HOOK3: variants seen among roughly 807,000 people sequenced by gnomAD.
HOOK3 encodes the protein protein Hook homolog 3.
In HOOK3, 24 loss-of-function variants were observed where a neutral mutation model predicts 116.3. That is an observed-to-expected ratio of 0.21 (90% CI 0.15 to 0.29). The LOEUF (loss-of-function observed/expected upper bound fraction) is 0.29, where lower values mean the gene tolerates loss of function less well. HOOK3 is among the 10% of genes least tolerant of loss of function. The pLI, the probability that HOOK3 is intolerant of heterozygous loss-of-function variation, is 1.00. For missense variants in HOOK3, 632 were observed against 830.2 expected (o/e 0.76, Z 2.93); for synonymous variants, 275 against 283.0 (o/e 0.97, Z 0.28).
chr8:42,954,911 T>C (rs766715374), intron 6 of HOOK3, among the ~76,000 whole-genome samples: 15 of 152,174 alleles, frequency 9.9e-5, no homozygotes, highest in Admixed American at 5.9e-4. Context: ...GAAATTCTTA[T>C]CTGAAGGCAA....
chr8:42,939,291 C>T (rs561911672), intron 4 of HOOK3, among the ~76,000 whole-genome samples: 56 of 152,112 alleles, frequency 3.7e-4, no homozygotes, highest in Non-Finnish European at 6.2e-4. Context: ...CCAGTAGGGG[C>T]GGCCGGGCAG....
chr8:42,982,986 G>T (rs920141240), intron 14 of HOOK3, among the ~76,000 whole-genome samples: 1 of 152,168 alleles, frequency 6.6e-6, no homozygotes, highest in East Asian at 1.9e-4. Context: ...CATTTGGCCT[G>T]TAGACAATAG....
chr8:42,931,588 T>G (rs1482425754), intron 4 of HOOK3, among the ~76,000 whole-genome samples: 1 of 139,958 alleles, frequency 7.1e-6, no homozygotes, highest in Non-Finnish European at 1.6e-5. Context: ...CCTGCCACCA[T>G]GCCCGGCTAA....
At chr8:42,970,585 G>C (rs560468825) in intron 11 of HOOK3, among the ~76,000 whole-genome samples, 3 of 151,886 alleles carry the variant, frequency 2.0e-5, no homozygotes, top group Non-Finnish European at 4.4e-5. Context: ...GTTACTGTTG[G>C]GTACTTTTGT....
chr8:42,970,780 G>GTTTTTTTTTTTTTT (rs1299118892), intron 11 of HOOK3, among the ~76,000 whole-genome samples: 17 of 127,888 alleles, frequency 1.3e-4, no homozygotes, highest in African/African-American at 5.9e-4. Flanking sequence ...AGGAATTTGG[G>GTTTTTTTTTTTTTT]TCTTTTTTTT....
At chr8:42,903,849 G>C (rs1040892111) in intron 1 of HOOK3, among the ~76,000 whole-genome samples, 4 of 151,696 alleles carry the variant, frequency 2.6e-5, no homozygotes, top group East Asian at 2.0e-4. Flanking sequence ...CCAGCTACTC[G>C]GGGGGCTGAG....
In HOOK3 at chr8:42,992,532, A is replaced by G. The variant is rs1331271449; in HGVS notation, c.1533-5018A>G. On this transcript the variant is annotated intron_variant, in intron 15 of 21. Transcript: ENST00000307602. The stretch of plus-strand genomic sequence containing the variant: ...GGAGATTGAGACCATCCTGGCCAAC[A>G]TGGTGAAACCCCGTCTCTGCTAAAA... 2.6e-5 allele frequency among the ~76,000 whole-genome samples: 4 copies of G among 151,228 alleles called. 1 individual carries two copies. In the South Asian group the frequency reaches 6.3e-4, roughly 24 times the overall value.
chr8:42,968,390 C>T (rs560050242), intron 11 of HOOK3, among the ~76,000 whole-genome samples, 176 bp downstream of exon 11: 230 of 152,316 alleles, frequency 1.5e-3, no homozygotes, highest in African/African-American at 5.4e-3. Flanking sequence ...AGTGCAGTGG[C>T]ATGATCTCAG....
At chr8:43,016,716 AG>A (rs1638252838) in intron 21 of HOOK3, among the ~76,000 whole-genome samples, 1 of 152,260 alleles carries the variant, frequency 6.6e-6, no homozygotes, top group Non-Finnish European at 1.5e-5. Flanking sequence ...TAATATATGT[AG>A]CCAAATGTAT....
intron 4 of HOOK3, among the ~76,000 whole-genome samples, chr8:42,930,786 A>T (rs1483084005): frequency 6.6e-6 from 1 of 152,138 alleles, no homozygotes; most frequent in African/African-American, 2.4e-5. Context: ...TCAAGCCCAG[A>T]ACCTAGAAAG....
intron 4 of HOOK3, among the ~76,000 whole-genome samples, chr8:42,932,606 G>A (rs965759715): frequency 6.6e-6 from 1 of 151,478 alleles, no homozygotes; most frequent in Non-Finnish European, 1.5e-5. Context: ...TTGGGTCCTA[G>A]GCCTACTGGT....
chr8:43,009,419 T>C (rs1344013612), intron 18 of HOOK3, among the ~76,000 whole-genome samples: 2 of 151,932 alleles, frequency 1.3e-5, no homozygotes, highest in East Asian at 3.9e-4. Flanking sequence ...AGAAATAGGC[T>C]CTATTTACAT....
In HOOK3 at chr8:42,978,245, C is replaced by CT. The variant is rs1179265384; in HGVS notation, c.1321+4051_1321+4052insT. Among the ~76,000 whole-genome samples, 5 of 152,094 alleles carry CT rather than the reference C, an allele frequency of 3.3e-5. No homozygotes were observed. In the East Asian group the frequency reaches 9.6e-4, roughly 29 times the overall value. On this transcript the variant is annotated intron_variant, in intron 13 of 21. Coordinates refer to ENST00000307602, the MANE Select transcript of HOOK3 (RefSeq NM_032410.4). Reference sequence around the variant, plus strand: ...TCTTTCTTAAGAAGATATCAGATAACCATTTTCTTTTTTTGAGATGGAGTT... The same window carrying CT: ...TCTTTCTTAAGAAGATATCAGATAACTCATTTTCTTTTTTTGAGATGGAGTT...
intron 3 of HOOK3, among the ~76,000 whole-genome samples, chr8:42,927,535 C>T (rs545764705): frequency 3.9e-5 from 6 of 152,228 alleles, no homozygotes; most frequent in South Asian, 4.1e-4. Context: ...GGTTTACAGG[C>T]GTGAGCCACT....
intron 2 of HOOK3, among the ~76,000 whole-genome samples, chr8:42,925,190 C>T (rs1461090262): frequency 2.6e-5 from 4 of 151,922 alleles, no homozygotes; most frequent in South Asian, 4.2e-4. Context: ...CTCTGCCTCC[C>T]GGGTTCAAGG....
intron 7 of HOOK3, among the ~76,000 whole-genome samples, chr8:42,958,596 GTTTTTTTT>G (rs71550434): frequency 2.8e-5 from 3 of 106,370 alleles, no homozygotes; most frequent in African/African-American, 1.0e-4. Flanking sequence ...GTTTTTGATA[GTTTTTTTT>G]TTTTTTTTTT....
chr8:42,913,447 G>C (rs961742623), intron 2 of HOOK3, among the ~76,000 whole-genome samples: 1 of 152,112 alleles, frequency 6.6e-6, no homozygotes, highest in South Asian at 2.1e-4. Flanking sequence ...CATTCATGTT[G>C]TTATCTGTAT....
intron 5 of HOOK3, 54 bp from the exon 6 acceptor site, chr8:42,950,334 C>T (rs961447472): frequency 8.5e-7 from 1 of 1,172,320 alleles, no homozygotes. Context: ...AGCCTTGATT[C>T]CCTTGACCAT....
intron 3 of HOOK3, among the ~76,000 whole-genome samples, chr8:42,927,319 C>G (rs953140571): frequency 7.0e-6 from 1 of 142,466 alleles, no homozygotes; most frequent in Non-Finnish European, 1.5e-5. Context: ...TGCAGTGGTG[C>G]AATCTCGGCT....
Sources: gnomAD v4.1 joint callset for allele counts (sites outside exome capture counted in the v4.1 genomes callset) on GRCh38, gnomAD v4.1.1 for gene constraint, MANE v1.5 for transcripts, NCBI Gene and HGNC (gene_info 2026-07-23, HGNC 2026-07-21) for gene names.